Variants in MCPH1 observed in about 807,000 individuals in gnomAD.
MCPH1 encodes microcephalin 1, also known as microcephalin.
MCPH1 carries 104 observed loss-of-function variants against 84.5 expected under a neutral mutation model. The observed-to-expected ratio is 1.23, with a 90% CI of 1.05 to 1.45. The LOEUF is 1.45. Ranked by LOEUF, MCPH1 falls within the 40% of genes most tolerant of loss-of-function variation. The probability of loss-of-function intolerance (pLI) is 0.00; values close to 1 mark genes in which losing one functional copy is unlikely to be tolerated. For missense variants in MCPH1, 1,498 were observed against 1,005.7 expected (o/e 1.49, Z -6.62); for synonymous variants, 514 against 366.8 (o/e 1.40, Z -4.58).
At chr8:6,584,464 A>AT (rs1827817210) in intron 12 of MCPH1, among the ~76,000 whole-genome samples, 1 of 152,186 alleles carries the variant, frequency 6.6e-6, no homozygotes, top group Non-Finnish European at 1.5e-5. Context: ...TTTTTTTGTT[A>AT]TTTTAATCTC....
rs1798218906 is a variant in MCPH1, at chr8:6,646,427, A to G, written c.*3378A>G. 6.6e-6 allele frequency: 1 copy of G among 152,238 alleles called. No homozygotes were observed. Among genetic ancestry groups the G allele is most frequent in the South Asian group, 2.1e-4 (1 of 4,832 alleles). 9.4% of individuals were successfully genotyped at this position (152,238 alleles called of 1,614,324 possible). The stretch of plus-strand genomic sequence containing the variant: ...GAATAGACATGTAAATCAAATAACA[A>G]AATAGAGAATTCAGGTATAAATCTT... On this transcript the variant is annotated 3_prime_UTR_variant, in exon 14 of 14. Transcript: ENST00000344683.
intron 13 of MCPH1, among the ~76,000 whole-genome samples, chr8:6,640,722 A>T (rs1463099582): frequency 6.6e-6 from 1 of 152,176 alleles, no homozygotes; most frequent in Admixed American, 6.5e-5. Context: ...CATGGCACCT[A>T]CCCTTGTGGT....
chr8:6,576,733 A>T (rs1827154970), intron 12 of MCPH1, among the ~76,000 whole-genome samples: 2 of 78,832 alleles, frequency 2.5e-5, no homozygotes, highest in South Asian at 4.4e-4. Context: ...TTTTTAGTAG[A>T]GATGGGTTTT....
chr8:6,557,017 G>C (rs910553915), intron 12 of MCPH1, among the ~76,000 whole-genome samples: 1 of 151,910 alleles, frequency 6.6e-6, no homozygotes, highest in South Asian at 2.1e-4. Context: ...CCCCAAACTG[G>C]AAACCCCACC....
intron 3 of MCPH1, among the ~76,000 whole-genome samples, chr8:6,427,975 T>C (rs1053192469): frequency 3.3e-5 from 5 of 151,974 alleles, no homozygotes; most frequent in African/African-American, 1.2e-4. Context: ...GCATTTTTAG[T>C]AGAGACGGGG....
At chr8:6,545,658 C>G (rs1822455589) in intron 12 of MCPH1, among the ~76,000 whole-genome samples, 1 of 151,944 alleles carries the variant, frequency 6.6e-6, no homozygotes, top group South Asian at 2.1e-4. Flanking sequence ...CTTGGAAGAC[C>G]AAGAAAGAAT....
intron 6 of MCPH1, among the ~76,000 whole-genome samples, chr8:6,441,526 C>T (rs149868069): frequency 6.6e-5 from 10 of 152,264 alleles, no homozygotes; most frequent in African/African-American, 1.9e-4. Context: ...ATAATACTTA[C>T]GATCTTATTT....
intron 12 of MCPH1, among the ~76,000 whole-genome samples, chr8:6,522,701 G>A (rs920100433): frequency 6.6e-6 from 1 of 151,598 alleles, no homozygotes; most frequent in Non-Finnish European, 1.5e-5. Context: ...TTGAACCCGG[G>A]AGGTGGAGGT....
At chr8:6,531,481 G>A (rs1047460073) in intron 12 of MCPH1, among the ~76,000 whole-genome samples, 12 of 151,842 alleles carry the variant, frequency 7.9e-5, no homozygotes, top group Non-Finnish European at 1.3e-4. Context: ...TAGTAGAGAC[G>A]GGTTTTCGCC....
intron 12 of MCPH1, among the ~76,000 whole-genome samples, chr8:6,560,505 C>T (rs970042262): frequency 6.6e-6 from 1 of 152,124 alleles, no homozygotes; most frequent in African/African-American, 2.4e-5. Context: ...ATTCCCAAGC[C>T]AGAAGCCGTA....
intron 13 of MCPH1, among the ~76,000 whole-genome samples, chr8:6,640,735 T>G (rs1344709729): frequency 6.6e-6 from 1 of 152,254 alleles, no homozygotes; most frequent in East Asian, 1.9e-4. Context: ...CTTGTGGTTT[T>G]GCTTAGAAAG....
rs1806327794 is a variant in MCPH1, at chr8:6,461,802, A to C, written c.1935+6550A>C. Among the ~76,000 whole-genome samples, 3 of 152,220 alleles carry C rather than the reference A, an allele frequency of 2.0e-5. No individual in the cohort carries two copies. The South Asian group carries it at 6.2e-4, about 32-fold the overall frequency. On this transcript the variant is annotated intron_variant, in intron 9 of 13. Transcript: ENST00000344683. ...GACCTGTTTTCTTTGTTACTTGTTGAATATTGTCAGACACAGAACCCAAAG... is the reference window on the plus strand; with the variant it reads ...GACCTGTTTTCTTTGTTACTTGTTGCATATTGTCAGACACAGAACCCAAAG...
chr8:6,549,766 A>C (rs557987546), intron 12 of MCPH1, among the ~76,000 whole-genome samples: 2 of 152,326 alleles, frequency 1.3e-5, no homozygotes, highest in South Asian at 4.1e-4. Context: ...CAGGGCAGCA[A>C]GTCCTCTATA....
At chr8:6,586,389 C>G (rs1001125697) in intron 12 of MCPH1, among the ~76,000 whole-genome samples, 4 of 152,242 alleles carry the variant, frequency 2.6e-5, no homozygotes, top group African/African-American at 9.6e-5. Context: ...ACCTTTAAGG[C>G]TGGTCCCCAG....
At chr8:6,600,946 G>A (rs749392647) in intron 12 of MCPH1, among the ~76,000 whole-genome samples, 36 of 152,190 alleles carry the variant, frequency 2.4e-4, no homozygotes, top group Admixed American at 1.4e-3. Context: ...GTTCAGAATC[G>A]CTAAACACAG....
chr8:6,439,416 G>C (rs1803167459), intron 6 of MCPH1, among the ~76,000 whole-genome samples: 1 of 142,918 alleles, frequency 7.0e-6, no homozygotes, highest in Non-Finnish European at 1.5e-5. Context: ...CTGAGATGGA[G>C]TTTTGCATTT....
At position 6,621,600 on chromosome 8, in the gene MCPH1, C is replaced by T. The variant is rs1831423801; in HGVS notation, c.2361C>T (p.Ser787=). ...TCCACCTGTGCGGAGGCCGGGTCAG[C>T]CAAGTCCCCCGCCAGGCCAGCATCG... The part of the protein sequence containing the change: ...ELVHLCGGRV[S]QVPRQASIVI... The change falls in exon 13 of 14, where the codon AGC becomes AGT. Residue 787 remains serine, a synonymous_variant. Coordinates refer to ENST00000344683, the MANE Select transcript of MCPH1 (RefSeq NM_024596.5). The T allele has an allele frequency of 6.2e-7, 1 of 1,614,210 alleles. No homozygotes were observed. Among genetic ancestry groups the T allele is most frequent in the Non-Finnish European group, 8.5e-7 (1 of 1,180,030 alleles).
chr8:6,444,603 A>G lies in MCPH1; in HGVS notation c.881A>G (p.Asn294Ser), dbSNP rs375224345. 2.5e-6 allele frequency: 4 copies of G among 1,614,096 alleles called. No individual in the cohort carries two copies. Among genetic ancestry groups the G allele is most frequent in the Non-Finnish European group, 3.4e-6 (4 of 1,180,040 alleles). Residue 294 changes from asparagine to serine, a missense_variant, in exon 8 of 14, where the codon AAT becomes AGT. Transcript: ENST00000344683. ...DKSSPQKFLS[N>S]LSKEEINLQR... ...TCAAGTCCTCAGAAATTTCTGAGTA[A>G]TCTTTCAAAGGAAGAAATAAACTTG...
Position 6,464,455 on chromosome 8 carries a change from C to G in MCPH1, c.1935+9203C>G, listed in dbSNP as rs181777012. 2.0e-4 allele frequency among the ~76,000 whole-genome samples: 31 copies of G among 152,258 alleles called. No individual in the cohort carries two copies. In the East Asian group the frequency reaches 5.6e-3, roughly 27 times the overall value. ...CATTAAATAGGATCTTCAAAGAACT[C>G]CATCTTTTTAAAAATGTGTTTTATT... is the stretch of plus-strand genomic sequence containing the variant. On this transcript the variant is annotated intron_variant, in intron 9 of 13. Coordinates refer to ENST00000344683, the MANE Select transcript of MCPH1 (RefSeq NM_024596.5).
Sources: gnomAD v4.1 joint callset for allele counts (sites outside exome capture counted in the v4.1 genomes callset) on GRCh38, gnomAD v4.1.1 for gene constraint, MANE v1.5 for transcripts, NCBI Gene and HGNC (gene_info 2026-07-23, HGNC 2026-07-21) for gene names.